ALOX15B: variants seen among roughly 807,000 people sequenced by gnomAD.
ALOX15B encodes the protein arachidonate 15-lipoxygenase type B, also known as polyunsaturated fatty acid lipoxygenase ALOX15B.
A neutral mutation model predicts 73.8 loss-of-function variants in ALOX15B; 74 were observed. The ratio of observed to expected loss-of-function variants is 1.00; its 90% CI spans 0.83 to 1.22. The LOEUF is 1.22. Among genes scored for constraint, ALOX15B ranks in the 50% most tolerant of loss-of-function variants. The pLI is 0.00. For synonymous variants in ALOX15B, 353 were observed against 357.2 expected (o/e 0.99, Z 0.13); for missense variants, 896 against 859.9 (o/e 1.04, Z -0.52).
rs1417855803 is a variant in ALOX15B at position 8,046,937 on chromosome 17, G to C, written c.1318G>C (p.Glu440Gln). Residue 440 changes from glutamate (E) to glutamine (Q), a missense_variant, in exon 10 of 14, where the codon GAG (glutamate) becomes CAG (glutamine). Coordinates refer to ENST00000380183, the MANE Select transcript of ALOX15B (RefSeq NM_001141.3). ...AGGCATCGGCATTGAAGGCTTCTCT[G>C]AGTTGATACAGAGGAACATGAAGCA... is the stretch of plus-strand genomic sequence containing the variant. ...STGIGIEGFS[E>Q]LIQRNMKQLN... The C allele has an allele frequency of 6.2e-7, 1 of 1,614,208 alleles. No homozygotes were observed. The highest frequency in any genetic ancestry group is 1.7e-5 in the Admixed American group (1 of 60,028).
intron 3 of ALOX15B, among the ~76,000 whole-genome samples, chr17:8,041,339 T>C (rs1410457000): frequency 6.6e-6 from 1 of 152,228 alleles, no homozygotes; most frequent in Non-Finnish European, 1.5e-5. Context: ...ATGTAGGTGG[T>C]CAGCTGCTAA....
intron 2 of ALOX15B, 51 bp from the exon 3 acceptor site, chr17:8,039,851 A>G (rs1006065616): frequency 2.6e-6 from 4 of 1,523,512 alleles, no homozygotes; most frequent in Non-Finnish European, 3.6e-6. Flanking sequence ...GGCTGGTGGT[A>G]GTGATGGTGA....
At chr17:8,041,611 C>T (rs1176050625) in intron 3 of ALOX15B, among the ~76,000 whole-genome samples, 1 of 152,196 alleles carries the variant, frequency 6.6e-6, no homozygotes, top group Admixed American at 6.5e-5. Context: ...AAGCTCAAAC[C>T]CAAAAGCAAG....
chr17:8,043,238 G>A (rs1178820102), intron 5 of ALOX15B, among the ~76,000 whole-genome samples: 2 of 152,194 alleles, frequency 1.3e-5, no homozygotes, highest in African/African-American at 4.8e-5. Context: ...CAGTGAGGGT[G>A]TAAAGGGGGC....
At position 8,039,965 on chromosome 17, in the gene ALOX15B, C is replaced by T. The variant is rs1458796224; in HGVS notation, c.431C>T (p.Ala144Val). ...LQQQRQEELQARQEMYQWKAY... is the reference protein window; with the variant it reads ...LQQQRQEELQVRQEMYQWKAY... ...CAACAGCGCCAGGAGGAGCTTCAGG[C>T]CCGGCAGGAGATGTACCAGTGAGGA... The change falls in exon 3 of 14, where the codon GCC becomes GTC. Residue 144 changes from alanine to valine, a missense_variant. Coordinates refer to ENST00000380183, the MANE Select transcript of ALOX15B (RefSeq NM_001141.3). 6.2e-7 allele frequency: 1 copy of T among 1,613,392 alleles called. No individual in the cohort carries two copies. Among genetic ancestry groups the T allele is most frequent in the African/African-American group, 1.3e-5 (1 of 74,838 alleles).
chr17:8,048,506 CT>C lies in ALOX15B; in HGVS notation c.1973del (p.Leu658ArgfsTer8). The C allele has an allele frequency of 6.2e-7, 1 of 1,614,164 alleles. No homozygotes were observed. The highest frequency in any genetic ancestry group is 2.2e-5 in the East Asian group (1 of 44,866). Reference sequence around the variant, plus strand: ...GGGCATCCAGGAGCGGAACCAGGGCCTGGTGCTGCCCTACACCTACCTAGAC... The same window carrying C: ...GGGCATCCAGGAGCGGAACCAGGGCCGGTGCTGCCCTACACCTACCTAGAC... ...SRGIQERNQG[L>X]VLPYTYLDPP... On this transcript the variant is annotated frameshift_variant, in exon 14 of 14. Transcript: ENST00000380183. LOFTEE classifies it high-confidence loss of function.
At chr17:8,042,985 C>A in intron 5 of ALOX15B, 101 bp downstream of exon 5, 2 of 927,826 alleles carry the variant, frequency 2.2e-6, no homozygotes, top group Non-Finnish European at 1.7e-6. Flanking sequence ...GCTATGTAAC[C>A]CTGATCAGGT....
intron 2 of ALOX15B, 43 bp downstream of exon 2, chr17:8,039,648 A>C: frequency 1.8e-5 from 12 of 650,332 alleles, no homozygotes; most frequent in Admixed American, 2.6e-5. Context: ...GAGCACAGGA[A>C]GGGGTAGGGG....
chr17:8,047,259 T>A lies in ALOX15B; in HGVS notation c.1459T>A (p.Phe487Ile), dbSNP rs531096224. ...GACCTGAACCTGGATGCATTGCAGCTTTGTCTCTGAAATCATCGGTATCTA... is the reference window on the plus strand; with the variant it reads ...GACCTGAACCTGGATGCATTGCAGCATTGTCTCTGAAATCATCGGTATCTA... ...GMQIWGAVER[F>I]VSEIIGIYYP... The change falls in exon 11 of 14, where the codon TTT becomes ATT. Residue 487 changes from phenylalanine to isoleucine, a missense_variant and splice_region_variant. By Grantham distance (21) the Phe-to-Ile change is conservative. Coordinates refer to ENST00000380183, the MANE Select transcript of ALOX15B (RefSeq NM_001141.3). 6 of 1,613,886 alleles carry A rather than the reference T, an allele frequency of 3.7e-6. No individual in the cohort carries two copies. Among genetic ancestry groups the A allele is most frequent in the Non-Finnish European group, 5.1e-6 (6 of 1,179,976 alleles).
At chr17:8,047,944 G>A (rs780069518) in intron 13 of ALOX15B, 29 bp downstream of exon 13, 3 of 1,609,894 alleles carry the variant, frequency 1.9e-6, no homozygotes, top group Non-Finnish European at 1.7e-6. Context: ...GCCAGGCTGG[G>A]CCAAATTGGG....
Position 8,039,614 on chromosome 17 carries a change from C to A in ALOX15B, c.367+9C>A. 4.3e-6 allele frequency: 2 copies of A among 465,974 alleles called. No homozygotes were observed. The highest frequency in any genetic ancestry group is 3.1e-5 in the South Asian group (1 of 31,810). The allele number at this position is 465,974 out of a possible 1,614,324, so 28.9% of individuals were successfully genotyped here. On this transcript the variant is annotated intron_variant, in intron 2 of 13. Transcript: ENST00000380183. ...GCTGCAGGAGGGTACAGGTGAGGGG[C>A]GGGCCGGGCTGGGGCTGCAGGGGGA... is the stretch of plus-strand genomic sequence containing the variant.
intron 3 of ALOX15B, among the ~76,000 whole-genome samples, chr17:8,040,646 A>AGAAAGAAAGAAAGAAAGAAAGAAG (rs1555638499): frequency 9.1e-4 from 112 of 123,350 alleles, no homozygotes; most frequent in South Asian, 1.9e-3. Flanking sequence ...AAAGAAAGAA[A>AGAAAGAAAGAAAGAAAGAAAGAAG]GAAAGAAAAG....
chr17:8,044,721 A>G (rs1307085890), intron 5 of ALOX15B, 108 bp from the exon 6 acceptor site: 2 of 978,256 alleles, frequency 2.0e-6, no homozygotes, highest in Non-Finnish European at 3.0e-6. Context: ...CACTGTGAAG[A>G]TTAGCCAGAG....
chr17:8,044,441 A>T (rs1463532711), intron 5 of ALOX15B, among the ~76,000 whole-genome samples: 2 of 148,340 alleles, frequency 1.3e-5, no homozygotes, highest in East Asian at 4.0e-4. Flanking sequence ...AAAAAAAAAA[A>T]GGAAAGAAAA....
chr17:8,039,651 G>C (rs755472977), intron 2 of ALOX15B, 46 bp downstream of exon 2: 1 of 1,179,636 alleles, frequency 8.5e-7, no homozygotes, highest in South Asian at 1.4e-5. Context: ...CACAGGAAGG[G>C]GTAGGGGACT....
In ALOX15B at chr17:8,048,505, C is replaced by T. The variant is rs1396960383; in HGVS notation, c.1971C>T (p.Gly657=). The T allele has an allele frequency of 6.2e-7, 1 of 1,614,150 alleles. No homozygotes were observed. Among genetic ancestry groups the T allele is most frequent in the East Asian group, 2.2e-5 (1 of 44,870 alleles). The change falls in exon 14 of 14, where the codon GGC becomes GGT. Residue 657 remains glycine, a synonymous_variant. Transcript: ENST00000380183. ...ISRGIQERNQ[G]LVLPYTYLDP... ...GGGGCATCCAGGAGCGGAACCAGGG[C>T]CTGGTGCTGCCCTACACCTACCTAG... is the stretch of plus-strand genomic sequence containing the variant.
At chr17:8,046,639 C>T (rs755929702) in intron 8 of ALOX15B, 29 bp from the exon 9 acceptor site, 4 of 1,606,162 alleles carry the variant, frequency 2.5e-6, no homozygotes, top group Non-Finnish European at 3.4e-6. Context: ...CCAGGCCTCC[C>T]CTAGCTCTGC....
At chr17:8,042,589 G>A (rs558361628) in intron 4 of ALOX15B, 98 bp downstream of exon 4, 2 of 1,509,310 alleles carry the variant, frequency 1.3e-6, no homozygotes, top group Non-Finnish European at 1.8e-6. Context: ...TCAGTGATAT[G>A]AGTCACATAG....
In ALOX15B at chr17:8,048,698, ACT is replaced by A; in HGVS notation, c.*135_*136del. On this transcript the variant is annotated 3_prime_UTR_variant, in exon 14 of 14. Transcript: ENST00000380183. ...TCTCCTGGGACAACCAGACTCTGTA[ACT>A]CACCCCCACCACCATACACACACAC... The A allele has an allele frequency of 1.1e-6, 1 of 912,644 alleles. No homozygotes were observed. The highest frequency in any genetic ancestry group is 1.6e-6 in the Non-Finnish European group (1 of 621,484). The allele number at this position is 912,644 out of a possible 1,614,324, so 56.5% of individuals were successfully genotyped here.
Sources: gnomAD v4.1 joint callset for allele counts (sites outside exome capture counted in the v4.1 genomes callset) on GRCh38, gnomAD v4.1.1 for gene constraint, MANE v1.5 for transcripts, NCBI Gene and HGNC (gene_info 2026-07-23, HGNC 2026-07-21) for gene names.